Variants in AJAP1 observed in about 807,000 individuals in gnomAD.
AJAP1 encodes adherens junction-associated protein 1.
A neutral mutation model predicts 35.0 loss-of-function variants in AJAP1; 5 were observed. That is an observed-to-expected ratio of 0.14 (90% confidence interval 0.07 to 0.30). The LOEUF (loss-of-function observed/expected upper bound fraction) is 0.30. AJAP1 is among the 10% of genes least tolerant of loss of function. AJAP1 has a pLI of 1.00. For missense variants in AJAP1, 586 were observed against 571.0 expected (o/e 1.03, Z -0.27); for synonymous variants, 284 against 249.3 (o/e 1.14, Z -1.31).
At chr1:4,689,133 G>A (rs764019608) in intron 1 of AJAP1, among the ~76,000 whole-genome samples, 116 of 152,260 alleles carry the variant, frequency 7.6e-4, no homozygotes, top group Non-Finnish European at 1.5e-3. Flanking sequence ...GTCATGTAGA[G>A]GGAATGGGTG....
At chr1:4,705,830 C>T (rs1424209218) in intron 1 of AJAP1, among the ~76,000 whole-genome samples, 5 of 151,986 alleles carry the variant, frequency 3.3e-5, no homozygotes, top group African/African-American at 1.2e-4. Flanking sequence ...TTTGATGCCA[C>T]GTGGTATTCT....
Position 4,723,371 on chromosome 1 carries a change from C to T in AJAP1, c.829+10672C>T, listed in dbSNP as rs566986408. ...AGCCCGGAGTAGAAGCTCAGCGGAG[C>T]CTCGGGTGTGTGGAAGGTCTGGAAG... is the stretch of plus-strand genomic sequence containing the variant. On this transcript the variant is annotated intron_variant, in intron 2 of 5. Coordinates refer to ENST00000378191, the MANE Select transcript of AJAP1 (RefSeq NM_018836.4). The surrounding 1 kb of genome is among the most constrained non-coding windows in gnomAD (Gnocchi z 4.3). Among the ~76,000 whole-genome samples, 2 of 152,192 alleles carry T rather than the reference C, an allele frequency of 1.3e-5. No homozygotes were observed. The highest frequency in any genetic ancestry group is 6.5e-5 in the Admixed American group (1 of 15,296).
At chr1:4,687,054 G>A (rs1639622209) in intron 1 of AJAP1, among the ~76,000 whole-genome samples, 1 of 152,234 alleles carries the variant, frequency 6.6e-6, no homozygotes, top group Non-Finnish European at 1.5e-5. Flanking sequence ...CCTCACCACG[G>A]ATGGGGACAG....
intron 2 of AJAP1, among the ~76,000 whole-genome samples, chr1:4,731,823 G>C (rs1314250163): frequency 6.6e-6 from 1 of 152,208 alleles, no homozygotes; most frequent in Non-Finnish European, 1.5e-5. Context: ...TGAAAGAATT[G>C]CCCCTACCCT....
rs1000408986 is a variant in AJAP1 at position 4,723,714 on chromosome 1, G to A, written c.829+11015G>A. Among the ~76,000 whole-genome samples, 3 of 152,202 alleles carry A rather than the reference G, an allele frequency of 2.0e-5. No individual in the cohort carries two copies. Among genetic ancestry groups the A allele is most frequent in the Admixed American group, 6.5e-5 (1 of 15,284 alleles). On this transcript the variant is annotated intron_variant, in intron 2 of 5. Transcript: ENST00000378191. This position sits in a 1 kb window ranked among gnomAD's most constrained non-coding sequence, Gnocchi z 4.3. ...TTTTGAGGAGCTTTGCTCTGCAGGG[G>A]TTTGGGGAAAGGGAAGCTGTAGTTG...
intron 2 of AJAP1, among the ~76,000 whole-genome samples, chr1:4,764,517 G>A: frequency 6.6e-6 from 1 of 152,114 alleles, no homozygotes; most frequent in East Asian, 1.9e-4. Context: ...AAGGACTGCT[G>A]TGAAATTTAC....
chr1:4,735,176 G>T (rs562734520), intron 2 of AJAP1, among the ~76,000 whole-genome samples: 1 of 152,260 alleles, frequency 6.6e-6, no homozygotes. Flanking sequence ...AGCACGCAAG[G>T]CATGGTGGGA....
At chr1:4,687,918 C>A in intron 1 of AJAP1, among the ~76,000 whole-genome samples, 1 of 152,344 alleles carries the variant, frequency 6.6e-6, no homozygotes, top group Admixed American at 6.5e-5. Context: ...AGGAGGCCAA[C>A]GATGAACAAA....
At chr1:4,721,482 C>T (rs1640515605) in intron 2 of AJAP1, among the ~76,000 whole-genome samples, 1 of 152,192 alleles carries the variant, frequency 6.6e-6, no homozygotes, top group Admixed American at 6.5e-5. Context: ...ACGGAAGAGT[C>T]GGATGTCCCC....
At chr1:4,662,712 G>C (rs1639027594) in intron 1 of AJAP1, among the ~76,000 whole-genome samples, 1 of 152,214 alleles carries the variant, frequency 6.6e-6, no homozygotes, top group African/African-American at 2.4e-5. Flanking sequence ...GGGTGGGATA[G>C]GCTCCTCCCT....
Position 4,655,269 on chromosome 1 carries a change from G to A in AJAP1, c.-157G>A. On this transcript the variant is annotated 5_prime_UTR_variant, in exon 1 of 6. Transcript: ENST00000378191. The surrounding 1 kb of genome is among the most constrained non-coding windows in gnomAD (Gnocchi z 6.9). ...CCGGCATGGAGCCCCGCGCGGCCGC[G>A]CTCTGACTCGCTGTGCGCCCCGCGG... 1 of 367,004 alleles carries A rather than the reference G, an allele frequency of 2.7e-6. No homozygotes were observed. Among genetic ancestry groups the A allele is most frequent in the South Asian group, 1.1e-4 (1 of 9,026 alleles). The allele number at this position is 367,004 out of a possible 1,614,324, so 22.7% of individuals were successfully genotyped here.
Position 4,674,948 on chromosome 1 carries a change from A to G in AJAP1, c.29+19494A>G, listed in dbSNP as rs573968528. On this transcript the variant is annotated intron_variant, in intron 1 of 5. Transcript: ENST00000378191. ...TGCACAGGGCGTGAGTCACGTTGCC[A>G]TGTGGCCATGGAGGAGTCGTCTCAG... 1.6e-4 allele frequency among the ~76,000 whole-genome samples: 24 copies of G among 152,330 alleles called. No individual in the cohort carries two copies. The South Asian group carries it at 3.9e-3, about 25-fold the overall frequency.
At chr1:4,670,735 C>T (rs1306149717) in intron 1 of AJAP1, among the ~76,000 whole-genome samples, 1 of 152,232 alleles carries the variant, frequency 6.6e-6, no homozygotes, top group Non-Finnish European at 1.5e-5. Flanking sequence ...CCCAAGAATG[C>T]ACTGGACAGC....
intron 2 of AJAP1, among the ~76,000 whole-genome samples, chr1:4,748,579 C>T (rs1178417465): frequency 6.6e-6 from 1 of 151,950 alleles, no homozygotes; most frequent in Admixed American, 6.6e-5. Flanking sequence ...AAAACCCTGT[C>T]TCTACTAAAA....
intron 1 of AJAP1, among the ~76,000 whole-genome samples, chr1:4,676,586 G>A (rs1038615303): frequency 2.0e-5 from 3 of 152,150 alleles, no homozygotes; most frequent in African/African-American, 7.2e-5. Flanking sequence ...GCCGTTCCTT[G>A]GGAAATCCAG....
chr1:4,715,095 A>C (rs1640358834), intron 2 of AJAP1, among the ~76,000 whole-genome samples: 1 of 152,180 alleles, frequency 6.6e-6, no homozygotes. Flanking sequence ...GAGTGCTGGG[A>C]CAGAGGGCTG....
chr1:4,734,958 C>A lies in AJAP1; in HGVS notation c.829+22259C>A, dbSNP rs1044835523. 6.6e-6 allele frequency among the ~76,000 whole-genome samples: 1 copy of A among 152,250 alleles called. No individual in the cohort carries two copies. Among genetic ancestry groups the A allele is most frequent in the Non-Finnish European group, 1.5e-5 (1 of 68,054 alleles). On this transcript the variant is annotated intron_variant, in intron 2 of 5. Transcript: ENST00000378191. The surrounding 1 kb of genome is among the most constrained non-coding windows in gnomAD (Gnocchi z 4.3). ...TCTCGACTCCTCCGTCCATCGCCTG[C>A]AAGCTGAGCCGCGTGATGGAGCTCA...
chr1:4,704,404 G>T (rs1396919955), intron 1 of AJAP1, among the ~76,000 whole-genome samples: 1 of 148,530 alleles, frequency 6.7e-6, no homozygotes, highest in African/African-American at 2.5e-5. Flanking sequence ...GAGAACATGC[G>T]GTGTTTGGTT....
At chr1:4,688,142 G>A (rs553577103) in intron 1 of AJAP1, among the ~76,000 whole-genome samples, 4 of 152,172 alleles carry the variant, frequency 2.6e-5, no homozygotes, top group Admixed American at 6.5e-5. Flanking sequence ...AGGCTGGAGC[G>A]GTGGCCCCAG....
Sources: gnomAD v4.1 joint callset for allele counts (sites outside exome capture counted in the v4.1 genomes callset) on GRCh38, gnomAD v4.1.1 for gene constraint, Gnocchi (gnomAD v3.1) non-coding constraint, MANE v1.5 for transcripts, NCBI Gene and HGNC (gene_info 2026-07-23, HGNC 2026-07-21) for gene names.